ZNF813: variants seen among roughly 807,000 people sequenced by gnomAD.
The protein encoded by ZNF813 is zinc finger protein 813.
In ZNF813, 3 loss-of-function variants were observed where a neutral mutation model predicts 7.2. The ratio of observed to expected loss-of-function variants is 0.42; its 90% CI spans 0.19 to 1.08. ZNF813 has a LOEUF of 1.08. ZNF813 is among the 50% of genes least tolerant of loss of function. ZNF813 has a pLI of 0.30. For missense variants in ZNF813, 714 were observed against 753.3 expected (o/e 0.95, Z 0.61); for synonymous variants, 227 against 256.3 (o/e 0.89, Z 1.09).
intron 3 of ZNF813, among the ~76,000 whole-genome samples, chr19:53,489,211 T>C (rs1304389920): frequency 6.6e-6 from 1 of 152,116 alleles, no homozygotes; most frequent in African/African-American, 2.4e-5. Flanking sequence ...TTCTCCATGT[T>C]TGTCAGGCTG....
At chr19:53,481,568 C>CA (rs1223581271) in intron 1 of ZNF813, among the ~76,000 whole-genome samples, 3 of 151,920 alleles carry the variant, frequency 2.0e-5, no homozygotes, top group African/African-American at 7.3e-5. Flanking sequence ...AGGCTCGTCT[C>CA]AAACTCCTGA....
rs1434894125 is a variant in ZNF813 at position 53,491,382 on chromosome 19, A to G, written c.1150A>G (p.Lys384Glu). The G allele has an allele frequency of 1.2e-6, 2 of 1,613,240 alleles. No homozygotes were observed. The highest frequency in any genetic ancestry group is 2.7e-5 in the African/African-American group (2 of 74,884). ...HRLHTGEKPY[K>E]CNECGKTFSQ... The stretch of plus-strand genomic sequence containing the variant: ...ACTTCATACGGGAGAGAAACCTTAT[A>G]AGTGTAATGAATGTGGCAAGACCTT... The change falls in exon 4 of 4, where the codon AAG (lysine) becomes GAG (glutamate). Residue 384 changes from lysine to glutamate, a missense_variant. Lys to Glu is a moderately conservative substitution (Grantham distance 56). Coordinates refer to ENST00000396403, the MANE Select transcript of ZNF813 (RefSeq NM_001004301.4).
Position 53,492,233 on chromosome 19 carries a change from T to G in ZNF813, c.*147T>G. On this transcript the variant is annotated 3_prime_UTR_variant, in exon 4 of 4. Coordinates refer to ENST00000396403, the MANE Select transcript of ZNF813 (RefSeq NM_001004301.4). ...ACAAGTGTAATGAACGTTGCAAAATTTTTAATCAACAAGCACACCTTCCAC... is the reference window on the plus strand; with the variant it reads ...ACAAGTGTAATGAACGTTGCAAAATGTTTAATCAACAAGCACACCTTCCAC... 7.4e-6 allele frequency: 9 copies of G among 1,220,174 alleles called. No individual in the cohort carries two copies. The South Asian group carries it at 1.2e-4, about 16-fold the overall frequency. 75.6% of individuals were successfully genotyped at this position (1,220,174 alleles called of 1,614,324 possible).
Position 53,490,734 on chromosome 19 carries a change from ATC to A in ZNF813, c.503_504del (p.Ile168LysfsTer15), listed in dbSNP as rs2086455987. ...AATTGGTAATCAAGTGGAGAAGTCT[ATC>A]AACGATGCTTCCTCAATTTCAACAT... Reference protein sequence around the residue: ...GKIGNQVEKSINDASSISTSQ... With the variant: ...GKIGNQVEKSXNDASSISTSQ... On this transcript the variant is annotated frameshift_variant, in exon 4 of 4. Coordinates refer to ENST00000396403, the MANE Select transcript of ZNF813 (RefSeq NM_001004301.4). LOFTEE classifies it low-confidence loss of function (END_TRUNC). The A allele has an allele frequency of 6.2e-7, 1 of 1,614,012 alleles. No homozygotes were observed. The highest frequency in any genetic ancestry group is 1.7e-5 in the Admixed American group (1 of 59,998).
At chr19:53,479,240 A>C in intron 1 of ZNF813, 83 of 1,085,568 alleles carry the variant, frequency 7.6e-5, no homozygotes, top group South Asian at 9.4e-5. Flanking sequence ...CAGCTGAGAT[A>C]AATCTTAGTT....
At position 53,490,516 on chromosome 19, in the gene ZNF813, A is replaced by T; in HGVS notation, c.284A>T (p.His95Leu). The T allele has an allele frequency of 4.3e-6, 7 of 1,614,222 alleles. No individual in the cohort carries two copies. The highest frequency in any genetic ancestry group is 5.9e-6 in the Non-Finnish European group (7 of 1,180,046). ...FRFQEIDKDIHNLEFQWQEDE... is the reference protein window; with the variant it reads ...FRFQEIDKDILNLEFQWQEDE... Reference sequence around the variant, plus strand: ...TTTCAGGAAATTGATAAAGATATTCATAACTTAGAGTTTCAGTGGCAAGAA... The same window carrying T: ...TTTCAGGAAATTGATAAAGATATTCTTAACTTAGAGTTTCAGTGGCAAGAA... The change falls in exon 4 of 4, where the codon CAT becomes CTT. Residue 95 changes from histidine (H) to leucine (L), a missense_variant. This residue lies in a region of ZNF813 where 563 missense variants were observed against 554.2 expected (regional missense o/e 1.02). Transcript: ENST00000396403.
intron 1 of ZNF813, among the ~76,000 whole-genome samples, chr19:53,477,776 A>G (rs1261423301): frequency 1.3e-5 from 2 of 152,136 alleles, no homozygotes; most frequent in Non-Finnish European, 2.9e-5. Context: ...AGCCGAGATC[A>G]TGCCACTGCC....
At chr19:53,472,510 A>G (rs566544717) in intron 1 of ZNF813, among the ~76,000 whole-genome samples, 1 of 151,982 alleles carries the variant, frequency 6.6e-6, no homozygotes, top group African/African-American at 2.4e-5. Context: ...TGTATTTTAA[A>G]CTATTCACCA....
rs541121999 is a variant in ZNF813 at position 53,481,165 on chromosome 19, A to C, written c.-73-2585A>C. The stretch of plus-strand genomic sequence containing the variant: ...TAGTTTAAGATACAATCATTTTATG[A>C]GCCTGGGAGTGCTAGAAGCAAGGAA... On this transcript the variant is annotated intron_variant, in intron 1 of 3. Coordinates refer to ENST00000396403, the MANE Select transcript of ZNF813 (RefSeq NM_001004301.4). Among the ~76,000 whole-genome samples, 4 of 152,162 alleles carry C rather than the reference A, an allele frequency of 2.6e-5. No homozygotes were observed. The South Asian group carries it at 8.3e-4, about 32-fold the overall frequency.
At position 53,491,272 on chromosome 19, in the gene ZNF813, G is replaced by T; in HGVS notation, c.1040G>T (p.Arg347Ile). 6.2e-7 allele frequency: 1 copy of T among 1,614,128 alleles called. No homozygotes were observed. Among genetic ancestry groups the T allele is most frequent in the Non-Finnish European group, 8.5e-7 (1 of 1,180,004 alleles). Reference protein sequence around the residue: ...SQTSSLTCHRRLHTGEKPFKC... With the variant: ...SQTSSLTCHRILHTGEKPFKC... ...ACGTCATCCCTTACATGCCATCGTA[G>T]ACTTCATACTGGAGAGAAACCTTTC... is the stretch of plus-strand genomic sequence containing the variant. Residue 347 changes from arginine to isoleucine, a missense_variant, in exon 4 of 4, where the codon AGA (arginine) becomes ATA (isoleucine). This residue lies in a region of ZNF813 where 563 missense variants were observed against 554.2 expected (regional missense o/e 1.02). Transcript: ENST00000396403.
At chr19:53,487,797 C>CAAAA (rs35942754) in intron 3 of ZNF813, among the ~76,000 whole-genome samples, 4 of 130,064 alleles carry the variant, frequency 3.1e-5, no homozygotes, top group Admixed American at 1.6e-4. Context: ...GACTCTGTCT[C>CAAAA]AAAAAAAAAA....
Position 53,496,047 on chromosome 19 carries a change from C to A in ZNF813, c.*3961C>A. 1 of 334,828 alleles carries A rather than the reference C, an allele frequency of 3.0e-6. No individual in the cohort carries two copies. The allele number at this position is 334,828 out of a possible 1,614,324, so 20.7% of individuals were successfully genotyped here. A position where few individuals can be genotyped will look rare whatever the true frequency, so the allele number is the denominator to read the frequency against. On this transcript the variant is annotated 3_prime_UTR_variant, in exon 4 of 4. Coordinates refer to ENST00000396403, the MANE Select transcript of ZNF813 (RefSeq NM_001004301.4). ...GAAGCGGGGTCTATAAGGAATTGCA[C>A]GTGAGATGGCACACATATTTATGCT...
chr19:53,486,179 C>T (rs137888913), intron 2 of ZNF813, among the ~76,000 whole-genome samples: 70 of 152,178 alleles, frequency 4.6e-4, no homozygotes, highest in African/African-American at 1.5e-3. Context: ...GTTTCTGGGC[C>T]GGGCGCGGTG....
chr19:53,485,597 ATGATATATATCG>A (rs796433461), intron 2 of ZNF813, among the ~76,000 whole-genome samples: 34 of 149,274 alleles, frequency 2.3e-4, no homozygotes, highest in African/African-American at 6.5e-4. Context: ...TATGTATGTC[ATGATATATATCG>A]TGATATATAC....
intron 1 of ZNF813, among the ~76,000 whole-genome samples, chr19:53,480,712 C>A (rs2086404063): frequency 1.3e-5 from 2 of 152,110 alleles, no homozygotes. Flanking sequence ...GTTTTCTTTC[C>A]TTATGTCATC....
intron 2 of ZNF813, among the ~76,000 whole-genome samples, chr19:53,484,275 G>A (rs1187393280): frequency 6.6e-6 from 1 of 152,172 alleles, no homozygotes; most frequent in Non-Finnish European, 1.5e-5. Context: ...TTTTCTGCCT[G>A]ATTTTATAGT....
chr19:53,469,115 A>G (rs897783988), intron 1 of ZNF813, among the ~76,000 whole-genome samples: 1 of 152,226 alleles, frequency 6.6e-6, no homozygotes, highest in Non-Finnish European at 1.5e-5. Flanking sequence ...CATATTGTTA[A>G]CAAGGCACAC....
Position 53,486,701 on chromosome 19 carries a change from C to G in ZNF813, c.85C>G (p.Gln29Glu). 1 of 1,614,098 alleles carries G rather than the reference C, an allele frequency of 6.2e-7. No homozygotes were observed. Among genetic ancestry groups the G allele is most frequent in the Non-Finnish European group, 8.5e-7 (1 of 1,179,942 alleles). ...QEEWKCLDPA[Q>E]RTLYRDVMLE... Reference sequence around the variant, plus strand: ...GGAGTGGAAATGCCTGGACCCTGCTCAGAGGACTCTATACAGGGACGTGAT... The same window carrying G: ...GGAGTGGAAATGCCTGGACCCTGCTGAGAGGACTCTATACAGGGACGTGAT... Residue 29 changes from glutamine (Q) to glutamate (E), a missense_variant, in exon 3 of 4, where the codon CAG becomes GAG. Gln to Glu is a conservative substitution (Grantham distance 29). Transcript: ENST00000396403.
At chr19:53,468,670 C>A (rs965960690) in intron 1 of ZNF813, among the ~76,000 whole-genome samples, 4 of 152,184 alleles carry the variant, frequency 2.6e-5, no homozygotes, top group African/African-American at 9.7e-5. Flanking sequence ...ATTTATGTTT[C>A]TCTTCACCCA....
Sources: allele counts gnomAD v4.1 joint callset (sites outside exome capture counted in the v4.1 genomes callset), GRCh38; gene constraint gnomAD v4.1.1; regional missense constraint gnomAD v4.1.1; transcripts MANE v1.5; gene names NCBI Gene and HGNC (gene_info 2026-07-23, HGNC 2026-07-21).